Variants in CHRNG observed in about 807,000 individuals in gnomAD.
The protein encoded by CHRNG is cholinergic receptor nicotinic gamma subunit, also known as acetylcholine receptor subunit gamma.
In CHRNG, 72 loss-of-function variants were observed where a neutral mutation model predicts 65.2. The ratio of observed to expected loss-of-function variants is 1.10; its 90% confidence interval spans 0.91 to 1.34. The LOEUF is 1.34. CHRNG is among the 40% of genes most tolerant of loss of function. The pLI is 0.00. For synonymous variants in CHRNG, 284 were observed against 290.2 expected, an observed-to-expected ratio of 0.98 and a Z score of 0.22; for missense variants, 637 against 680.1, an observed-to-expected ratio of 0.94 and a Z score of 0.70.
rs199593123 is a variant in CHRNG at position 232,543,294 on chromosome 2, C to T, written c.825C>T (p.Thr275=). 19 of 1,614,000 alleles carry T rather than the reference C, an allele frequency of 1.2e-5. No individual in the cohort carries two copies. The highest frequency in any genetic ancestry group is 3.3e-4 in the Middle Eastern group (2 of 6,062). The change falls in exon 8 of 12, where the codon ACC becomes ACT. Residue 275 remains threonine, a synonymous_variant. Coordinates refer to ENST00000651502, the MANE Select transcript of CHRNG (RefSeq NM_005199.5). ...LPAKAGGQKC[T]VAINVLLAQT... is the part of the protein sequence containing the mutation. ...GGATAGCTGGGGGCCAGAAGTGTAC[C>T]GTCGCCATCAACGTGCTCCTGGCCC...
intron 11 of CHRNG, 38 bp from the exon 12 acceptor site, chr2:232,545,505 C>T (rs1208357009): frequency 1.9e-6 from 3 of 1,590,208 alleles, no homozygotes; most frequent in South Asian, 1.1e-5. Flanking sequence ...AGACCTGGTG[C>T]CGCCGCTGGT....
In CHRNG at chr2:232,547,128, C is replaced by T. The variant is rs1419705640; in HGVS notation, c.*1412C>T. On this transcript the variant is annotated 3_prime_UTR_variant, in exon 12 of 12. Transcript: ENST00000651502. ...GTGCAAAAAATAATCCATTCCTGGC[C>T]AGGTGTGGTGGCTCACACCTGCAAT... Among the ~76,000 whole-genome samples, 1 of 152,126 alleles carries T rather than the reference C, an allele frequency of 6.6e-6. No homozygotes were observed. The highest frequency in any genetic ancestry group is 1.5e-5 in the Non-Finnish European group (1 of 68,032).
chr2:232,543,406 T>G lies in CHRNG; in HGVS notation c.920+17T>G. 6.4e-7 allele frequency: 1 copy of G among 1,556,530 alleles called. No homozygotes were observed. The highest frequency in any genetic ancestry group is 8.8e-7 in the Non-Finnish European group (1 of 1,130,304). On this transcript the variant is annotated intron_variant, in intron 8 of 11. Transcript: ENST00000651502. ...CATCAGCAAGTAAGGCTGGTCTTCATGTCCACCCGCCTATGCCACTCTCCC... is the reference window on the plus strand; with the variant it reads ...CATCAGCAAGTAAGGCTGGTCTTCAGGTCCACCCGCCTATGCCACTCTCCC...
chr2:232,543,703 A>G lies in CHRNG; in HGVS notation c.1035+4A>G. 4 of 1,561,544 alleles carry G rather than the reference A, an allele frequency of 2.6e-6. No individual in the cohort carries two copies. The highest frequency in any genetic ancestry group is 3.5e-6 in the Non-Finnish European group (4 of 1,132,182). ...CATGGCCCGAGGGGTCCGCAAGGCAAGGACCCTCCCTGCCCACTTCAACAT... is the reference window on the plus strand; with the variant it reads ...CATGGCCCGAGGGGTCCGCAAGGCAGGGACCCTCCCTGCCCACTTCAACAT... On this transcript the variant is annotated splice_donor_region_variant and intron_variant, in intron 9 of 11. Transcript: ENST00000651502.
Position 232,545,790 on chromosome 2 carries a change from T to C in CHRNG, c.*74T>C. On this transcript the variant is annotated 3_prime_UTR_variant, in exon 12 of 12. Coordinates refer to ENST00000651502, the MANE Select transcript of CHRNG (RefSeq NM_005199.5). ...CTGAGTCTTATCAGCCACGTTCTCCTACTGAGGTCCTAAGTGTGCTCTTTG... is the reference window on the plus strand; with the variant it reads ...CTGAGTCTTATCAGCCACGTTCTCCCACTGAGGTCCTAAGTGTGCTCTTTG... The C allele has an allele frequency of 1.3e-6, 2 of 1,518,660 alleles. No individual in the cohort carries two copies. Among genetic ancestry groups the C allele is most frequent in the Non-Finnish European group, 1.8e-6 (2 of 1,096,402 alleles). 94.1% of individuals were successfully genotyped at this position (1,518,660 alleles called of 1,614,324 possible). A position where few individuals can be genotyped will look rare whatever the true frequency, so the allele number is the denominator to read the frequency against.
In CHRNG at chr2:232,539,981, G is replaced by T; in HGVS notation, c.56-11G>T. On this transcript the variant is annotated splice_polypyrimidine_tract_variant and intron_variant, in intron 1 of 11. Transcript: ENST00000651502. ...CCAAGCTCCTGCTAGGCTCACGCCTGTCTATTGCAGGGGCCCAGGGCCGGA... is the reference window on the plus strand; with the variant it reads ...CCAAGCTCCTGCTAGGCTCACGCCTTTCTATTGCAGGGGCCCAGGGCCGGA... 1 of 1,614,146 alleles carries T rather than the reference G, an allele frequency of 6.2e-7. No homozygotes were observed. Among genetic ancestry groups the T allele is most frequent in the Non-Finnish European group, 8.5e-7 (1 of 1,180,012 alleles).
At chr2:232,542,761 G>A in intron 6 of CHRNG, 121 bp from the exon 7 acceptor site, 1 of 862,602 alleles carries the variant, frequency 1.2e-6, no homozygotes, top group South Asian at 1.4e-5. Context: ...TCCCTCAAGG[G>A]TGCCTCCCCT....
At position 232,541,243 on chromosome 2, in the gene CHRNG, A is replaced by G. The variant is rs2106220546; in HGVS notation, c.351-131A>G. The G allele has an allele frequency of 2.7e-6, 3 of 1,127,098 alleles. No individual in the cohort carries two copies. The highest frequency in any genetic ancestry group is 1.2e-5 in the South Asian group (1 of 80,556). The allele number at this position is 1,127,098 out of a possible 1,614,324, so 69.8% of individuals were successfully genotyped here. A position where few individuals can be genotyped will look rare whatever the true frequency, so the allele number is the denominator to read the frequency against. ...CTAGTGGTCCGGGTGGGAACCAGTC[A>G]GGGGGTGACAGGCTGGTAGGGACTG... is the stretch of plus-strand genomic sequence containing the variant. On this transcript the variant is annotated intron_variant, in intron 4 of 11. Transcript: ENST00000651502. This position sits in a 1 kb window ranked among gnomAD's most constrained non-coding sequence, Gnocchi z 4.0.
At position 232,542,022 on chromosome 2, in the gene CHRNG, C is replaced by T. The variant is rs1469885409; in HGVS notation, c.507-401C>T. The T allele has an allele frequency of 1.2e-4, 38 of 328,906 alleles. 1 individual carries two copies. In the South Asian group the frequency reaches 1.2e-3, roughly 10 times the overall value. 20.4% of individuals were successfully genotyped at this position (328,906 alleles called of 1,614,324 possible). ...GGGCCCGGGGGAGGGTTCTCCTGTACCTTAGAGGAGCAGTCTTTCCATGAG... is the reference window on the plus strand; with the variant it reads ...GGGCCCGGGGGAGGGTTCTCCTGTATCTTAGAGGAGCAGTCTTTCCATGAG... On this transcript the variant is annotated intron_variant, in intron 5 of 11. Coordinates refer to ENST00000651502, the MANE Select transcript of CHRNG (RefSeq NM_005199.5).
rs762540344 is a variant in CHRNG at position 232,544,831 on chromosome 2, G to A, written c.1309G>A (p.Ala437Thr). 8 of 1,613,910 alleles carry A rather than the reference G, an allele frequency of 5.0e-6. No homozygotes were observed. The highest frequency in any genetic ancestry group is 1.1e-5 in the South Asian group (1 of 91,086). The change falls in exon 11 of 12, where the codon GCC becomes ACC. Residue 437 changes from alanine (A) to threonine (T), a missense_variant. By Grantham distance (58) the Ala-to-Thr change is moderately conservative. Transcript: ENST00000651502. Reference protein sequence around the residue: ...FCGSLKQAAPAIQACVEACNL... With the variant: ...FCGSLKQAAPTIQACVEACNL... ...TGGCAGCCTGAAGCAGGCTGCCCCA[G>A]CCATCCAGGCCTGTGTGGAAGCCTG...
At position 232,543,097 on chromosome 2, in the gene CHRNG, T is replaced by A; in HGVS notation, c.805+15T>A. On this transcript the variant is annotated intron_variant, in intron 7 of 11. Transcript: ENST00000651502. ...TCCTGCCAAGGGTACCTGGAGCCTA[T>A]GGGAAGGAGCCATCCAGTAGCACAG... is the stretch of plus-strand genomic sequence containing the variant. 2 of 1,612,998 alleles carry A rather than the reference T, an allele frequency of 1.2e-6. No individual in the cohort carries two copies. Among genetic ancestry groups the A allele is most frequent in the Non-Finnish European group, 1.7e-6 (2 of 1,179,034 alleles).
In CHRNG at chr2:232,540,819, C is replaced by T. The variant is rs914628776; in HGVS notation, c.350+108C>T. The T allele has an allele frequency of 3.4e-5, 36 of 1,050,312 alleles. No homozygotes were observed. The highest frequency in any genetic ancestry group is 6.3e-5 in the African/African-American group (4 of 63,842). The allele number at this position is 1,050,312 out of a possible 1,614,324, so 65.1% of individuals were successfully genotyped here. ...AGAAAGATGAGCAGAGGGTGCAAATCGGGCACCTGTGGGGCTAGGGAAGAA... is the reference window on the plus strand; with the variant it reads ...AGAAAGATGAGCAGAGGGTGCAAATTGGGCACCTGTGGGGCTAGGGAAGAA... On this transcript the variant is annotated intron_variant, in intron 4 of 11. Coordinates refer to ENST00000651502, the MANE Select transcript of CHRNG (RefSeq NM_005199.5). This position sits in a 1 kb window ranked among gnomAD's most constrained non-coding sequence, Gnocchi z 4.2.
Position 232,541,079 on chromosome 2 carries a change from T to C in CHRNG, c.351-295T>C, listed in dbSNP as rs1278346586. Among the ~76,000 whole-genome samples, 1 of 150,824 alleles carries C rather than the reference T, an allele frequency of 6.6e-6. No homozygotes were observed. The highest frequency in any genetic ancestry group is 2.0e-4 in the East Asian group (1 of 4,926). On this transcript the variant is annotated intron_variant, in intron 4 of 11. Coordinates refer to ENST00000651502, the MANE Select transcript of CHRNG (RefSeq NM_005199.5). The surrounding 1 kb of genome is among the most constrained non-coding windows in gnomAD (Gnocchi z 4.0). ...TGGCACATGGTGTGGGCTTAACACATTAGTCGCTATTATGACTATTATTAT... is the reference window on the plus strand; with the variant it reads ...TGGCACATGGTGTGGGCTTAACACACTAGTCGCTATTATGACTATTATTAT...
In CHRNG at chr2:232,542,938, G is replaced by T. The variant is rs148066463; in HGVS notation, c.661G>T (p.Ala221Ser). Residue 221 changes from alanine to serine, a missense_variant, in exon 7 of 12, where the codon GCG (alanine) becomes TCG (serine). Physicochemically the swap from Ala to Ser is moderately conservative, Grantham distance 99 (BLOSUM62 1). Transcript: ENST00000651502. The stretch of plus-strand genomic sequence containing the variant: ...AGCCAAGATGCTCCTGGACCCAGCG[G>T]CGCCAGCCCAGGAAGCAGGCCACCA... ...RPAKMLLDPAAPAQEAGHQKV... is the reference protein window; with the variant it reads ...RPAKMLLDPASPAQEAGHQKV... 5.8e-5 allele frequency: 94 copies of T among 1,614,090 alleles called. No individual in the cohort carries two copies. The highest frequency in any genetic ancestry group is 7.3e-5 in the Non-Finnish European group (86 of 1,180,028).
At position 232,543,075 on chromosome 2, in the gene CHRNG, T is replaced by G. The variant is rs746910885; in HGVS notation, c.798T>G (p.Pro266=). 1.5e-5 allele frequency: 24 copies of G among 1,614,062 alleles called. No homozygotes were observed. The highest frequency in any genetic ancestry group is 2.0e-5 in the Non-Finnish European group (24 of 1,179,936). Reference sequence around the variant, plus strand: ...TCGCCATCCTCATCCACTTCCTTCCTGCCAAGGGTACCTGGAGCCTATGGG... The same window carrying G: ...TCGCCATCCTCATCCACTTCCTTCCGGCCAAGGGTACCTGGAGCCTATGGG... The part of the protein sequence containing the change: ...SSVAILIHFL[P]AKAGGQKCTV... The change falls in exon 7 of 12, where the codon CCT becomes CCG. Residue 266 remains proline, a synonymous_variant. Coordinates refer to ENST00000651502, the MANE Select transcript of CHRNG (RefSeq NM_005199.5).
chr2:232,545,975 C>G lies in CHRNG; in HGVS notation c.*259C>G. Reference sequence around the variant, plus strand: ...GGCTAGCTCATCCTGGCACCAGCCACCCCTCCACTCAGTGCACTCCCCTCA... The same window carrying G: ...GGCTAGCTCATCCTGGCACCAGCCAGCCCTCCACTCAGTGCACTCCCCTCA... On this transcript the variant is annotated 3_prime_UTR_variant, in exon 12 of 12. Transcript: ENST00000651502. 1 of 597,840 alleles carries G rather than the reference C, an allele frequency of 1.7e-6. No individual in the cohort carries two copies. Among genetic ancestry groups the G allele is most frequent in the Non-Finnish European group, 3.0e-6 (1 of 328,546 alleles). 37.0% of individuals were successfully genotyped at this position (597,840 alleles called of 1,614,324 possible).
Position 232,544,763 on chromosome 2 carries a change from C to T in CHRNG, c.1250-9C>T, listed in dbSNP as rs561085959. ...TCTACTCCCAAACCTTACCCTTTCT[C>T]TTTATCAGAGAAAGGCCCGGAGTTA... is the stretch of plus-strand genomic sequence containing the variant. On this transcript the variant is annotated splice_polypyrimidine_tract_variant and intron_variant, in intron 10 of 11. Coordinates refer to ENST00000651502, the MANE Select transcript of CHRNG (RefSeq NM_005199.5). 6.8e-6 allele frequency: 11 copies of T among 1,613,888 alleles called. No homozygotes were observed. The East Asian group carries it at 2.5e-4, about 36-fold the overall frequency.
intron 6 of CHRNG, 75 bp from the exon 7 acceptor site, chr2:232,542,807 C>A: frequency 7.4e-7 from 1 of 1,358,274 alleles, no homozygotes; most frequent in Non-Finnish European, 1.0e-6. Context: ...GCCCTTGCAG[C>A]TGGGTCACTC....
rs1692038090 is a variant in CHRNG, at chr2:232,542,492, G to T, written c.576G>T (p.Trp192Cys). 6.2e-7 allele frequency: 1 copy of T among 1,613,764 alleles called. No individual in the cohort carries two copies. Among genetic ancestry groups the T allele is most frequent in the Admixed American group, 1.7e-5 (1 of 60,018 alleles). Residue 192 changes from tryptophan (W) to cysteine (C), a missense_variant, in exon 6 of 12, where the codon TGG becomes TGT. Coordinates refer to ENST00000651502, the MANE Select transcript of CHRNG (RefSeq NM_005199.5). ...AGGAAGATGGCCAGACCATCGAGTGGATTTTCATTGACCCTGAGGCCTTCA... is the reference window on the plus strand; with the variant it reads ...AGGAAGATGGCCAGACCATCGAGTGTATTTTCATTGACCCTGAGGCCTTCA... The part of the protein sequence containing the change: ...LSQEDGQTIE[W>C]IFIDPEAFTE...
Sources: allele counts gnomAD v4.1 joint callset (sites outside exome capture counted in the v4.1 genomes callset), GRCh38; gene constraint gnomAD v4.1.1; non-coding constraint Gnocchi (gnomAD v3.1); transcripts MANE v1.5; gene names NCBI Gene and HGNC (gene_info 2026-07-23, HGNC 2026-07-21).